ZNF804B: variants seen among roughly 807,000 people sequenced by gnomAD.
ZNF804B encodes the protein zinc finger 804B.
In ZNF804B, 80 loss-of-function variants were observed where a neutral mutation model predicts 101.4. The observed-to-expected ratio is 0.79, with a 90% CI of 0.66 to 0.95. ZNF804B has a LOEUF of 0.95. ZNF804B is among the 40% of genes least tolerant of loss of function. ZNF804B has a pLI of 0.00. For synonymous variants in ZNF804B, 622 were observed against 558.8 expected, an observed-to-expected ratio of 1.11 and a Z score of -1.59; for missense variants, 1,673 against 1,561.9, an observed-to-expected ratio of 1.07 and a Z score of -1.20.
At chr7:89,195,026 T>A (rs1206294339) in intron 1 of ZNF804B, among the ~76,000 whole-genome samples, 4 of 151,932 alleles carry the variant, frequency 2.6e-5, no homozygotes, top group Non-Finnish European at 5.9e-5. Context: ...GATGCAAGGC[T>A]GGTTCAATAT....
intron 1 of ZNF804B, among the ~76,000 whole-genome samples, chr7:88,782,383 G>C (rs947717123): frequency 6.6e-6 from 1 of 151,812 alleles, no homozygotes; most frequent in South Asian, 2.1e-4. Context: ...TAACCCCCTG[G>C]TTCTTCCACT....
At chr7:88,776,487 T>G (rs2115646875) in intron 1 of ZNF804B, among the ~76,000 whole-genome samples, 1 of 152,012 alleles carries the variant, frequency 6.6e-6, no homozygotes, top group Non-Finnish European at 1.5e-5. Flanking sequence ...GTGTGTGCCC[T>G]ACTTTCCTGG....
chr7:88,998,566 T>C (rs1434057994), intron 1 of ZNF804B, among the ~76,000 whole-genome samples: 1 of 152,026 alleles, frequency 6.6e-6, no homozygotes, highest in Admixed American at 6.6e-5. Context: ...CGTGTTAAGA[T>C]GTAGATTCCT....
At chr7:89,206,901 A>G (rs1035612831) in intron 1 of ZNF804B, among the ~76,000 whole-genome samples, 1 of 152,198 alleles carries the variant, frequency 6.6e-6, no homozygotes, top group South Asian at 2.1e-4. Flanking sequence ...ACAAATCCCT[A>G]TGGCAGGAGC....
At chr7:88,927,986 T>C (rs1792831930) in intron 1 of ZNF804B, among the ~76,000 whole-genome samples, 1 of 152,102 alleles carries the variant, frequency 6.6e-6, no homozygotes, top group African/African-American at 2.4e-5. Context: ...CAATATCTCC[T>C]ACCAAACCTC....
At chr7:89,277,590 A>C (rs1790008204) in intron 2 of ZNF804B, among the ~76,000 whole-genome samples, 1 of 147,574 alleles carries the variant, frequency 6.8e-6, no homozygotes. Context: ...ATGAGTGAGA[A>C]TATGCGGTGT....
At chr7:89,096,479 C>A (rs1386833968) in intron 1 of ZNF804B, among the ~76,000 whole-genome samples, 1 of 152,024 alleles carries the variant, frequency 6.6e-6, no homozygotes, top group African/African-American at 2.4e-5. Flanking sequence ...TTGCTTAGAG[C>A]CTTCTTTGGT....
intron 2 of ZNF804B, among the ~76,000 whole-genome samples, chr7:89,294,969 C>T (rs1188755743): frequency 6.6e-6 from 1 of 152,098 alleles, no homozygotes; most frequent in African/African-American, 2.4e-5. Flanking sequence ...TCTGTTTCCT[C>T]ATGTTCTTTG....
intron 1 of ZNF804B, among the ~76,000 whole-genome samples, chr7:89,028,027 G>A (rs534588240): frequency 3.8e-4 from 58 of 152,182 alleles, no homozygotes; most frequent in African/African-American, 1.4e-3. Context: ...CTAATAAAGT[G>A]CTTTCTTTAC....
intron 1 of ZNF804B, among the ~76,000 whole-genome samples, chr7:89,128,791 T>C (rs1790507333): frequency 6.6e-6 from 1 of 152,080 alleles, no homozygotes; most frequent in East Asian, 1.9e-4. Flanking sequence ...AATCAAATAC[T>C]CTTTTTATTC....
rs144436661 is a variant in ZNF804B at position 88,796,641 on chromosome 7, C to T, written c.108+36557C>T. ...CTAAATCTCTGTATGAGGCCTTGCC[C>T]GGCAATACCTTCTCACATCCAACTC... On this transcript the variant is annotated intron_variant, in intron 1 of 3. Coordinates refer to ENST00000333190, the MANE Select transcript of ZNF804B (RefSeq NM_181646.5). 2.5e-3 allele frequency among the ~76,000 whole-genome samples: 387 copies of T among 152,222 alleles called. 1 individual carries two copies. Among genetic ancestry groups the T allele is most frequent in the African/African-American group, 7.0e-3 (290 of 41,548 alleles).
intron 1 of ZNF804B, among the ~76,000 whole-genome samples, chr7:89,102,942 T>A (rs1273793579): frequency 6.6e-6 from 1 of 151,684 alleles, no homozygotes; most frequent in Admixed American, 6.6e-5. Flanking sequence ...GAATAGGATG[T>A]CCTTTCCCAA....
chr7:88,859,197 G>A (rs1320913078), intron 1 of ZNF804B, among the ~76,000 whole-genome samples: 1 of 152,020 alleles, frequency 6.6e-6, no homozygotes, highest in Non-Finnish European at 1.5e-5. Flanking sequence ...GCGTGCATGT[G>A]TGTGTTTGTG....
intron 2 of ZNF804B, among the ~76,000 whole-genome samples, chr7:89,269,987 G>A (rs937898546): frequency 7.2e-5 from 11 of 151,988 alleles, no homozygotes; most frequent in Admixed American, 7.2e-4. Flanking sequence ...TGAGTAGATT[G>A]CAAAAATTTT....
At chr7:89,074,836 T>C (rs1206031209) in intron 1 of ZNF804B, among the ~76,000 whole-genome samples, 2 of 152,098 alleles carry the variant, frequency 1.3e-5, no homozygotes, top group African/African-American at 2.4e-5. Flanking sequence ...ATAATGATAG[T>C]GATATGAACA....
chr7:89,287,710 A>T (rs1195491960), intron 2 of ZNF804B, among the ~76,000 whole-genome samples: 1 of 152,160 alleles, frequency 6.6e-6, no homozygotes, highest in Non-Finnish European at 1.5e-5. Flanking sequence ...CTGAGAAATG[A>T]GTAAAAGTTA....
intron 1 of ZNF804B, among the ~76,000 whole-genome samples, chr7:89,107,257 A>G (rs2116346940): frequency 6.6e-6 from 1 of 152,258 alleles, no homozygotes; most frequent in South Asian, 2.1e-4. Context: ...GCATGATGAT[A>G]GTTATTTTAA....
intron 2 of ZNF804B, among the ~76,000 whole-genome samples, chr7:89,274,157 C>T (rs1208850): frequency 2.7e-5 from 4 of 146,650 alleles, no homozygotes; most frequent in African/African-American, 2.5e-5. Flanking sequence ...ATTTTATTTT[C>T]TTTTTCTTTT....
At chr7:88,830,847 A>T (rs1389255529) in intron 1 of ZNF804B, among the ~76,000 whole-genome samples, 3 of 151,838 alleles carry the variant, frequency 2.0e-5, no homozygotes, top group Non-Finnish European at 4.4e-5. Context: ...TCATAAGTTT[A>T]ATTACAATTT....
Sources: allele counts gnomAD v4.1 joint callset (sites outside exome capture counted in the v4.1 genomes callset), GRCh38; gene constraint gnomAD v4.1.1; transcripts MANE v1.5; gene names NCBI Gene and HGNC (gene_info 2026-07-23, HGNC 2026-07-21).